DCHS2: variants seen among roughly 807,000 people sequenced by gnomAD.
DCHS2 encodes the protein protocadherin-23.
In DCHS2, 142 loss-of-function variants were observed where a neutral mutation model predicts 182.4. The observed-to-expected ratio is 0.78, with a 90% CI of 0.68 to 0.89. The LOEUF is 0.89. DCHS2 is among the 40% of genes least tolerant of loss of function. The pLI is 0.00. For synonymous variants in DCHS2, 1,740 were observed against 1,663.3 expected (o/e 1.05, Z -1.12); for missense variants, 4,319 against 4,198.6 (o/e 1.03, Z -0.79).
At chr4:154,318,931 T>G (rs1258591921) in intron 9 of DCHS2, among the ~76,000 whole-genome samples, 2 of 152,246 alleles carry the variant, frequency 1.3e-5, no homozygotes, top group Non-Finnish European at 2.9e-5. Context: ...GGCATCACAC[T>G]TCCTGGCTTT....
rs1731488920 is a variant in DCHS2, at chr4:154,236,186, A to G, written c.8466T>C (p.His2822=). 2 of 1,613,830 alleles carry G rather than the reference A, an allele frequency of 1.2e-6. No individual in the cohort carries two copies. The highest frequency in any genetic ancestry group is 2.2e-5 in the South Asian group (2 of 91,088). The change falls in exon 20 of 20, where the codon CAT becomes CAC. Residue 2822 remains histidine, a synonymous_variant. Transcript: ENST00000357232. ...CFLTHGMSYD[H]DLFLIDPLTG... is the part of the protein sequence containing the mutation. ...TCAAAGGGTCAATGAGGAAGAGATC[A>G]TGATCATAAGACATTCCATGAGTGA...
intron 1 of DCHS2, among the ~76,000 whole-genome samples, chr4:154,470,270 A>G (rs1453437698): frequency 6.6e-6 from 1 of 152,074 alleles, no homozygotes; most frequent in African/African-American, 2.4e-5. Flanking sequence ...TTGAGCCTCA[A>G]TTGAGGAGTT....
chr4:154,486,364 A>C, intron 1 of DCHS2: 1 of 1,288,928 alleles, frequency 7.8e-7, no homozygotes, highest in East Asian at 5.6e-5. Flanking sequence ...AACATTGGGG[A>C]TGTGGAGTAA....
At chr4:154,246,125 G>T (rs1242473959) in intron 16 of DCHS2, among the ~76,000 whole-genome samples, 1 of 152,110 alleles carries the variant, frequency 6.6e-6, no homozygotes, top group African/African-American at 2.4e-5. Context: ...GGTCACCAAG[G>T]AGAGGCTCAA....
At chr4:154,431,062 T>A (rs116813322) in intron 1 of DCHS2, among the ~76,000 whole-genome samples, 2,053 of 152,328 alleles carry the variant, frequency 0.013, 26 homozygotes, top group Non-Finnish European at 0.02. Flanking sequence ...TACATGTTTA[T>A]GTGTATTTTA....
intron 1 of DCHS2, among the ~76,000 whole-genome samples, chr4:154,460,028 C>A (rs1170795482): frequency 6.6e-6 from 1 of 152,068 alleles, no homozygotes; most frequent in East Asian, 1.9e-4. Flanking sequence ...AATAGCTCAG[C>A]AATACCAAGG....
Position 154,491,645 on chromosome 4 carries a change from T to G in DCHS2, c.-290A>C, listed in dbSNP as rs1034613785. Reference sequence around the variant, plus strand: ...ATCTCATCTCTTTTTCTCTCTCCTTTTATTCCCTTTACATCTGTTCCTTGT... The same window carrying G: ...ATCTCATCTCTTTTTCTCTCTCCTTGTATTCCCTTTACATCTGTTCCTTGT... On this transcript the variant is annotated 5_prime_UTR_variant, in exon 1 of 20. Transcript: ENST00000357232. The G allele has an allele frequency of 2.3e-6, 3 of 1,289,890 alleles. No homozygotes were observed. Among genetic ancestry groups the G allele is most frequent in the Non-Finnish European group, 2.9e-6 (3 of 1,022,710 alleles). The allele number at this position is 1,289,890 out of a possible 1,614,324, so 79.9% of individuals were successfully genotyped here. A position where few individuals can be genotyped will look rare whatever the true frequency, so the allele number is the denominator to read the frequency against.
chr4:154,279,689 G>A (rs1734034415), intron 13 of DCHS2, among the ~76,000 whole-genome samples: 1 of 151,762 alleles, frequency 6.6e-6, no homozygotes. Context: ...GATAAAAACA[G>A]AAACAAAACA....
At position 154,298,723 on chromosome 4, in the gene DCHS2, A is replaced by T. The variant is rs1253838891; in HGVS notation, c.5606-15T>A. ...AGTATTTCCATCTATTAAAGAAAAC[A>T]ATTACAAATTCATTTGAATTGAAAA... On this transcript the variant is annotated splice_polypyrimidine_tract_variant and intron_variant, in intron 12 of 19. Coordinates refer to ENST00000357232, the MANE Select transcript of DCHS2 (RefSeq NM_001358235.2). 1 of 1,535,550 alleles carries T rather than the reference A, an allele frequency of 6.5e-7. No homozygotes were observed. The highest frequency in any genetic ancestry group is 8.7e-7 in the Non-Finnish European group (1 of 1,143,640).
At chr4:154,332,403 A>G (rs1736574449) in intron 5 of DCHS2, 75 bp downstream of exon 5, 1 of 1,325,412 alleles carries the variant, frequency 7.5e-7, no homozygotes, top group Non-Finnish European at 1.0e-6. Flanking sequence ...TTTTATTTTT[A>G]TTTTTACTTA....
At chr4:154,484,807 G>T (rs1728520189) in intron 1 of DCHS2, among the ~76,000 whole-genome samples, 1 of 152,202 alleles carries the variant, frequency 6.6e-6, no homozygotes, top group Admixed American at 6.5e-5. Flanking sequence ...TTTATTGTAA[G>T]ATTTCAATCC....
At chr4:154,238,199 G>A (rs927253408) in intron 19 of DCHS2, among the ~76,000 whole-genome samples, 2 of 151,880 alleles carry the variant, frequency 1.3e-5, no homozygotes, top group Non-Finnish European at 2.9e-5. Flanking sequence ...GAATAGAAGA[G>A]CCAAATTCCT....
chr4:154,279,386 A>G (rs1044444095), intron 13 of DCHS2, among the ~76,000 whole-genome samples: 5 of 152,106 alleles, frequency 3.3e-5, no homozygotes, highest in Non-Finnish European at 7.4e-5. Context: ...GAACACACAA[A>G]TAAGCTGAAA....
intron 14 of DCHS2, among the ~76,000 whole-genome samples, chr4:154,263,610 A>G (rs914054697): frequency 1.3e-5 from 2 of 152,048 alleles, no homozygotes; most frequent in Middle Eastern, 3.4e-3. Context: ...ACAAAAGGTG[A>G]AGGGGCTAAT....
At position 154,318,358 on chromosome 4, in the gene DCHS2, G is replaced by A. The variant is rs566604396; in HGVS notation, c.5020+2021C>T. ...AAGAAAAAGTTAAATATAAGCAAGC[G>A]ATGAGAGGGTTTAATTGAAAGTGGC... is the stretch of plus-strand genomic sequence containing the variant. On this transcript the variant is annotated intron_variant, in intron 9 of 19. Transcript: ENST00000357232. 6.5e-4 allele frequency among the ~76,000 whole-genome samples: 99 copies of A among 151,938 alleles called. 1 individual carries two copies. The highest frequency in any genetic ancestry group is 1.3e-3 in the Non-Finnish European group (88 of 67,912).
At chr4:154,242,867 A>G in intron 16 of DCHS2, 95 bp from the exon 17 acceptor site, 1 of 1,417,790 alleles carries the variant, frequency 7.1e-7, no homozygotes, top group Non-Finnish European at 9.2e-7. Flanking sequence ...TTTTAAAATG[A>G]GCTGACTAGC....
Position 154,349,303 on chromosome 4 carries a change from C to T in DCHS2, c.2477-14199G>A, listed in dbSNP as rs148040331. ...CTTATCATGCCAGCTAAAATTGGCTCATTTGGGGGTTTGGCTATTTATTAT... is the reference window on the plus strand; with the variant it reads ...CTTATCATGCCAGCTAAAATTGGCTTATTTGGGGGTTTGGCTATTTATTAT... On this transcript the variant is annotated intron_variant, in intron 3 of 19. Transcript: ENST00000357232. Among the ~76,000 whole-genome samples the T allele has an allele frequency of 2.0e-3, 300 of 149,988 alleles. 6 individuals are homozygous for T. Among genetic ancestry groups the T allele is most frequent in the African/African-American group, 6.6e-3 (262 of 39,458 alleles).
chr4:154,267,371 G>T (rs891980670), intron 14 of DCHS2, among the ~76,000 whole-genome samples: 1 of 152,122 alleles, frequency 6.6e-6, no homozygotes, highest in Non-Finnish European at 1.5e-5. Flanking sequence ...TAGCAAGATG[G>T]CCAGGTGCAT....
chr4:154,312,648 A>G (rs1735710596), intron 10 of DCHS2, among the ~76,000 whole-genome samples: 1 of 152,234 alleles, frequency 6.6e-6, no homozygotes, highest in South Asian at 2.1e-4. Context: ...GCCTGAGTAT[A>G]TGATACAGAG....
Sources: allele counts gnomAD v4.1 joint callset (sites outside exome capture counted in the v4.1 genomes callset), GRCh38; gene constraint gnomAD v4.1.1; transcripts MANE v1.5; gene names NCBI Gene and HGNC (gene_info 2026-07-23, HGNC 2026-07-21).